The following DNAH3 variants were observed in gnomAD, a reference collection of about 807,000 sequenced individuals.
The protein encoded by DNAH3 is axonemal beta dynein heavy chain 3.
DNAH3 carries 332 observed loss-of-function variants against 432.5 expected under a neutral mutation model. The observed-to-expected ratio is 0.77, with a 90% confidence interval of 0.70 to 0.84. The LOEUF (loss-of-function observed/expected upper bound fraction) is 0.84, where lower values mean the gene tolerates loss of function less well. Among genes scored for constraint, DNAH3 ranks in the 40% least tolerant of loss-of-function variants. DNAH3 has a pLI of 0.00. For missense variants in DNAH3, 4,861 were observed against 5,114.0 expected (o/e 0.95, Z 1.51); for synonymous variants, 1,956 against 1,900.2 (o/e 1.03, Z -0.76).
intron 57 of DNAH3, among the ~76,000 whole-genome samples, chr16:20,945,614 C>T (rs1244951548): frequency 2.6e-5 from 4 of 152,086 alleles, no homozygotes; most frequent in Non-Finnish European, 5.9e-5. Context: ...CCTCAGCCTC[C>T]CTAGTAGCTG....
chr16:21,018,652 T>G (rs767423368), intron 41 of DNAH3, among the ~76,000 whole-genome samples: 20 of 152,166 alleles, frequency 1.3e-4, no homozygotes, highest in Non-Finnish European at 2.5e-4. Context: ...CCCAGCACTT[T>G]TGGAGGCTGA....
intron 31 of DNAH3, among the ~76,000 whole-genome samples, chr16:21,045,220 T>C (rs2089639599): frequency 6.6e-6 from 1 of 151,676 alleles, no homozygotes; most frequent in Non-Finnish European, 1.5e-5. Flanking sequence ...CCTCTTTTTC[T>C]ATTGATTGGA....
In DNAH3 at chr16:21,023,797, G is replaced by T. The variant is rs1296359237; in HGVS notation, c.5646+799C>A. 3.3e-5 allele frequency among the ~76,000 whole-genome samples: 5 copies of T among 151,714 alleles called. No individual in the cohort carries two copies. In the East Asian group the frequency reaches 5.8e-4, roughly 18 times the overall value. ...TTGGCAGCTTTTGGGGTGTGTGTGT[G>T]TGTGTGTGTGTGTGTGTGTGTGGAC... On this transcript the variant is annotated intron_variant, in intron 39 of 61. Coordinates refer to ENST00000261383, the Ensembl canonical transcript of DNAH3.
At chr16:21,049,113 C>T (rs1234754364) in intron 31 of DNAH3, among the ~76,000 whole-genome samples, 1 of 152,014 alleles carries the variant, frequency 6.6e-6, no homozygotes, top group Admixed American at 6.6e-5. Context: ...CCTGCCTCAG[C>T]CTCTTGAATA....
intron 48 of DNAH3, among the ~76,000 whole-genome samples, chr16:20,984,372 TGATGGA>T (rs913397817): frequency 6.6e-6 from 1 of 151,644 alleles, no homozygotes; most frequent in Admixed American, 6.6e-5. Context: ...AATGTGAAGG[TGATGGA>T]GATGGAGATA....
chr16:21,058,528 G>A (rs1404409151), intron 26 of DNAH3, among the ~76,000 whole-genome samples: 1 of 152,120 alleles, frequency 6.6e-6, no homozygotes, highest in Non-Finnish European at 1.5e-5. Flanking sequence ...ATATTGCAGT[G>A]CTGAGTCACA....
At chr16:20,985,681 A>AATG in exon 48 of DNAH3, 1 of 1,614,022 alleles carries the variant, frequency 6.2e-7, no homozygotes, top group Non-Finnish European at 8.5e-7. Flanking sequence ...GTTATCATCG[A>AATG]CTATCTTTCC....
chr16:21,153,623 C>A (rs1338250522), intron 1 of DNAH3, among the ~76,000 whole-genome samples: 1 of 152,136 alleles, frequency 6.6e-6, no homozygotes, highest in Non-Finnish European at 1.5e-5. Flanking sequence ...GCCTTAATAG[C>A]TGTAACACTC....
rs1408146383 is a variant in DNAH3 at position 20,965,289 on chromosome 16, A to G, written c.8595T>C (p.Asn2865=). Residue 2865 remains asparagine (N), a synonymous_variant, in exon 53 of 62, where the codon AAT becomes AAC. Coordinates refer to ENST00000261383, the Ensembl canonical transcript of DNAH3. ...TGACAGCTGGCTGGAATTCCGGGTG[A>G]TTGATAAACCTTTCCCGGATCCGCT... 6 of 1,613,500 alleles carry G rather than the reference A, an allele frequency of 3.7e-6. No individual in the cohort carries two copies. In the South Asian group the frequency reaches 6.6e-5, roughly 18 times the overall value.
intron 55 of DNAH3, among the ~76,000 whole-genome samples, chr16:20,952,955 C>T (rs868107500): frequency 1.3e-5 from 2 of 152,110 alleles, no homozygotes; most frequent in Middle Eastern, 3.4e-3. Context: ...CTCGAGCTCA[C>T]GGGAAAAACT....
intron 41 of DNAH3, among the ~76,000 whole-genome samples, chr16:21,010,765 A>C (rs1332525037): frequency 6.6e-6 from 1 of 152,048 alleles, no homozygotes; most frequent in Non-Finnish European, 1.5e-5. Context: ...GGTTATAAGA[A>C]AGTACAGGGT....
At chr16:21,099,898 C>T (rs1008907906) in intron 16 of DNAH3, among the ~76,000 whole-genome samples, 8 of 152,136 alleles carry the variant, frequency 5.3e-5, no homozygotes, top group Admixed American at 4.6e-4. Context: ...GTGTCTTCAG[C>T]AGTTAGACCA....
rs2084739248 is a variant in DNAH3, at chr16:20,959,798, CTT to C, written c.10601-396_10601-395del. Among the ~76,000 whole-genome samples, 5 of 152,106 alleles carry C rather than the reference CTT, an allele frequency of 3.3e-5. No individual in the cohort carries two copies. The South Asian group carries it at 1.0e-3, about 31-fold the overall frequency. ...GCAGATGAAGCTACCATCAACTTCT[CTT>C]TTGCTTTAAACACATAGACATTCTT... On this transcript the variant is annotated intron_variant, in intron 53 of 61. Coordinates refer to ENST00000261383, the Ensembl canonical transcript of DNAH3.
chr16:21,140,483 A>G (rs2092704639), intron 5 of DNAH3, 53 bp downstream of exon 6: 16 of 1,541,888 alleles, frequency 1.0e-5, no homozygotes, highest in Non-Finnish European at 1.1e-5. Flanking sequence ...AATCACTGAG[A>G]TGCCGAGAGT....
chr16:21,082,050 C>T (rs972023744), intron 19 of DNAH3, among the ~76,000 whole-genome samples: 1 of 151,732 alleles, frequency 6.6e-6, no homozygotes, highest in Non-Finnish European at 1.5e-5. Flanking sequence ...CAGGCACACA[C>T]CACCTTGCCT....
intron 1 of DNAH3, among the ~76,000 whole-genome samples, chr16:21,158,116 A>G (rs550356115): frequency 1.8e-4 from 28 of 152,284 alleles, no homozygotes; most frequent in Non-Finnish European, 3.7e-4. Flanking sequence ...ATGCAAACCG[A>G]GGAATTTGGA....
At chr16:20,988,872 G>C (rs900739287) in intron 44 of DNAH3, among the ~76,000 whole-genome samples, 3 of 152,024 alleles carry the variant, frequency 2.0e-5, no homozygotes. Context: ...GCTGGCTCAG[G>C]AGTGAAGCTG....
chr16:21,042,006 T>G (rs2089464770), intron 32 of DNAH3, 21 bp downstream of exon 32: 3 of 1,613,370 alleles, frequency 1.9e-6, no homozygotes, highest in African/African-American at 1.3e-5. Context: ...ACACCCCACA[T>G]GTATATCTGC....
Position 21,000,665 on chromosome 16 carries a change from A to T in DNAH3, c.6127-147T>A, listed in dbSNP as rs77514727. 2.4e-3 allele frequency: 1,533 copies of T among 641,560 alleles called. 19 individuals carry two copies. In the African/African-American group the frequency reaches 0.026, roughly 11 times the overall value. 39.7% of individuals were successfully genotyped at this position (641,560 alleles called of 1,614,324 possible). ...AGTCTTTAACCTCTCCATGGGCCTC[A>T]GTTTCTTCATCTGTGAAAAGGGGAT... On this transcript the variant is annotated intron_variant, in intron 42 of 61. Coordinates refer to ENST00000261383, the Ensembl canonical transcript of DNAH3.
Sources: gnomAD v4.1 joint callset for allele counts (sites outside exome capture counted in the v4.1 genomes callset) on GRCh38, gnomAD v4.1.1 for gene constraint, MANE v1.5 for transcripts, NCBI Gene and HGNC (gene_info 2026-07-23, HGNC 2026-07-21) for gene names.